GRIK4: variants seen among roughly 807,000 people sequenced by gnomAD.
The protein encoded by GRIK4 is glutamate receptor ionotropic, kainate 4.
Under a neutral mutation model 104.9 loss-of-function variants are expected in GRIK4, and 40 were observed. That is an observed-to-expected ratio of 0.38 (90% CI 0.30 to 0.50). The LOEUF (loss-of-function observed/expected upper bound fraction) is 0.50. GRIK4 is among the 20% of genes least tolerant of loss of function. GRIK4 has a pLI of 0.93. For missense variants in GRIK4, 1,047 were observed against 1,308.1 expected, an observed-to-expected ratio of 0.80 and a Z score of 3.08; for synonymous variants, 485 against 524.9, an observed-to-expected ratio of 0.92 and a Z score of 1.04.
At chr11:120,579,337 A>T (rs1948534297) in intron 1 of GRIK4, among the ~76,000 whole-genome samples, 1 of 151,920 alleles carries the variant, frequency 6.6e-6, no homozygotes. Flanking sequence ...TTTCAGAAGG[A>T]GCCAGCCACA....
At chr11:120,841,431 A>G (rs1953713542) in intron 8 of GRIK4, among the ~76,000 whole-genome samples, 1 of 152,216 alleles carries the variant, frequency 6.6e-6, no homozygotes, top group Non-Finnish European at 1.5e-5. Flanking sequence ...TTCATATGTC[A>G]GAATTGCCTG....
At chr11:120,763,278 A>T (rs1192071997) in intron 3 of GRIK4, among the ~76,000 whole-genome samples, 5 of 152,002 alleles carry the variant, frequency 3.3e-5, no homozygotes, top group African/African-American at 1.2e-4. Context: ...ATTCTTTGGG[A>T]TCAGTGGTGA....
At chr11:120,928,774 G>A (rs1442435649) in intron 13 of GRIK4, among the ~76,000 whole-genome samples, 4 of 152,152 alleles carry the variant, frequency 2.6e-5, no homozygotes, top group Non-Finnish European at 4.4e-5. Context: ...ATCCAGCCCC[G>A]AGAGTAAGCT....
Position 120,698,535 on chromosome 11 carries a change from C to T in GRIK4, c.82+38135C>T, listed in dbSNP as rs554152647. Among the ~76,000 whole-genome samples, 14 of 152,360 alleles carry T rather than the reference C, an allele frequency of 9.2e-5. No homozygotes were observed. In the South Asian group the frequency reaches 2.3e-3, roughly 25 times the overall value. On this transcript the variant is annotated intron_variant, in intron 3 of 20. Coordinates refer to ENST00000527524, the MANE Select transcript of GRIK4 (RefSeq NM_014619.5). ...GTATCTTTAAGTTCTTTACACAGGGCACACTTTTCCCCTCCCACTACCATC... is the reference window on the plus strand; with the variant it reads ...GTATCTTTAAGTTCTTTACACAGGGTACACTTTTCCCCTCCCACTACCATC...
At chr11:120,574,396 C>T (rs556022413) in intron 1 of GRIK4, among the ~76,000 whole-genome samples, 3 of 152,318 alleles carry the variant, frequency 2.0e-5, no homozygotes, top group African/African-American at 4.8e-5. Context: ...TGACACCTTA[C>T]GTATATGGTC....
chr11:120,985,629 A>G (rs1285493942), intron 20 of GRIK4, among the ~76,000 whole-genome samples: 1 of 138,346 alleles, frequency 7.2e-6, no homozygotes, highest in African/African-American at 2.7e-5. Flanking sequence ...GAAATGTGCA[A>G]AAAAAAAAAA....
chr11:120,691,863 T>C (rs1950370005), intron 3 of GRIK4, among the ~76,000 whole-genome samples: 1 of 152,236 alleles, frequency 6.6e-6, no homozygotes, highest in South Asian at 2.1e-4. Flanking sequence ...GGAACTGCTG[T>C]ACTGTTGCCT....
chr11:120,893,607 G>T (rs1399539089), intron 11 of GRIK4, among the ~76,000 whole-genome samples: 2 of 152,220 alleles, frequency 1.3e-5, no homozygotes, highest in Non-Finnish European at 2.9e-5. Context: ...CCAGCACAGA[G>T]CCCCTGTGAG....
intron 3 of GRIK4, among the ~76,000 whole-genome samples, chr11:120,664,275 G>A (rs962864468): frequency 6.6e-6 from 1 of 152,186 alleles, no homozygotes; most frequent in African/African-American, 2.4e-5. Flanking sequence ...AAAGAGAATA[G>A]GAATGGGCTG....
chr11:120,730,423 T>C (rs1262023916), intron 3 of GRIK4, among the ~76,000 whole-genome samples: 1 of 152,138 alleles, frequency 6.6e-6, no homozygotes, highest in African/African-American at 2.4e-5. Context: ...GTCAATTCTG[T>C]TTCATTGATC....
chr11:120,832,066 GCTCCACC>G, intron 7 of GRIK4, 36 bp downstream of exon 7: 2 of 1,462,112 alleles, frequency 1.4e-6, no homozygotes, highest in Non-Finnish European at 1.9e-6. Context: ...CCCCTGCTGA[GCTCCACC>G]CTCCCCCCTC....
intron 1 of GRIK4, among the ~76,000 whole-genome samples, chr11:120,527,743 C>G (rs1011106126): frequency 4.6e-5 from 7 of 152,340 alleles, no homozygotes; most frequent in African/African-American, 1.4e-4. Flanking sequence ...TTATATGCAG[C>G]TGGCAGAGCA....
At chr11:120,836,312 G>GTTGGGGAGGAATAATAGCGC (rs1249876841) in intron 7 of GRIK4, among the ~76,000 whole-genome samples, 7 of 152,184 alleles carry the variant, frequency 4.6e-5, no homozygotes, top group Non-Finnish European at 1.0e-4. Context: ...GTAAAATGGG[G>GTTGGGGAGGAATAATAGCGC]TTGGGGAGGA....
chr11:120,622,215 A>G (rs1333388390), intron 1 of GRIK4, among the ~76,000 whole-genome samples: 1 of 151,948 alleles, frequency 6.6e-6, no homozygotes, highest in Non-Finnish European at 1.5e-5. Context: ...TATTATTTTT[A>G]ACTGTGACAA....
chr11:120,650,066 T>A (rs956532914), intron 1 of GRIK4, among the ~76,000 whole-genome samples: 7 of 152,116 alleles, frequency 4.6e-5, no homozygotes, highest in African/African-American at 1.7e-4. Flanking sequence ...GCCCTTCCCA[T>A]CCCACAGGTG....
chr11:120,684,824 C>A (rs763099359), intron 3 of GRIK4, among the ~76,000 whole-genome samples: 2 of 152,222 alleles, frequency 1.3e-5, no homozygotes, highest in African/African-American at 2.4e-5. Context: ...CATTATCCTG[C>A]CTCAGCCTCC....
chr11:120,933,263 G>T (rs1213842009), intron 13 of GRIK4, among the ~76,000 whole-genome samples: 1 of 152,228 alleles, frequency 6.6e-6, no homozygotes, highest in Non-Finnish European at 1.5e-5. Flanking sequence ...CACAGAACAG[G>T]TCTGCCTGCC....
intron 1 of GRIK4, among the ~76,000 whole-genome samples, chr11:120,618,908 C>G (rs1486085512): frequency 6.6e-6 from 1 of 152,188 alleles, no homozygotes; most frequent in Non-Finnish European, 1.5e-5. Context: ...TCTACGAGGG[C>G]AGCAGTGCAA....
At chr11:120,862,593 C>T (rs1006132711) in intron 9 of GRIK4, among the ~76,000 whole-genome samples, 1 of 152,114 alleles carries the variant, frequency 6.6e-6, no homozygotes, top group African/African-American at 2.4e-5. Context: ...AATCCTGGCT[C>T]CTGGTCTGGT....
Sources: gnomAD v4.1 joint callset for allele counts (sites outside exome capture counted in the v4.1 genomes callset) on GRCh38, gnomAD v4.1.1 for gene constraint, MANE v1.5 for transcripts, NCBI Gene and HGNC (gene_info 2026-07-23, HGNC 2026-07-21) for gene names.